The following CMYA5 variants were observed in gnomAD, a reference collection of about 807,000 sequenced individuals.
The protein encoded by CMYA5 is cardiomyopathy-associated protein 5.
Under a neutral mutation model 318.9 loss-of-function variants are expected in CMYA5, and 246 were observed. That is an observed-to-expected ratio of 0.77 (90% CI 0.70 to 0.86). The LOEUF (loss-of-function observed/expected upper bound fraction) is 0.86. Among genes scored for constraint, CMYA5 ranks in the 40% least tolerant of loss-of-function variants. The pLI is 0.00. For missense variants in CMYA5, 4,589 were observed against 4,678.2 expected (o/e 0.98, Z 0.56); for synonymous variants, 1,641 against 1,729.5 (o/e 0.95, Z 1.27).
chr5:79,791,117 G>C, intron 11 of CMYA5, 48 bp downstream of exon 11: 1 of 1,339,370 alleles, frequency 7.5e-7, no homozygotes, highest in Non-Finnish European at 1.1e-6. Context: ...CAGCAGTAGG[G>C]TCTTAGGGTG....
chr5:79,708,969 G>C (rs953654271), intron 1 of CMYA5, among the ~76,000 whole-genome samples: 2 of 152,056 alleles, frequency 1.3e-5, no homozygotes. Context: ...ATTTAATTTA[G>C]TTTTTTAAAA....
intron 1 of CMYA5, among the ~76,000 whole-genome samples, chr5:79,702,812 T>A (rs1220565775): frequency 2.6e-5 from 4 of 152,224 alleles, no homozygotes. Flanking sequence ...GTGAGGAAAC[T>A]GTTGCCATGG....
At chr5:79,778,833 G>A (rs11745156) in intron 9 of CMYA5, among the ~76,000 whole-genome samples, 10 of 86,822 alleles carry the variant, frequency 1.2e-4, no homozygotes, top group African/African-American at 3.2e-4. Flanking sequence ...GTGTGTGTGT[G>A]TGTATGTTTA....
chr5:79,754,072 A>G (rs935164650), intron 6 of CMYA5, among the ~76,000 whole-genome samples: 1 of 152,364 alleles, frequency 6.6e-6, no homozygotes, highest in East Asian at 1.9e-4. Context: ...TAACTCAGCA[A>G]GTGCACATGG....
At chr5:79,694,220 G>C (rs1362378135) in intron 1 of CMYA5, among the ~76,000 whole-genome samples, 1 of 152,166 alleles carries the variant, frequency 6.6e-6, no homozygotes, top group African/African-American at 2.4e-5. Context: ...TACTATACCA[G>C]TCAGGATAAA....
At chr5:79,718,399 A>C (rs1197268589) in intron 1 of CMYA5, among the ~76,000 whole-genome samples, 1 of 152,134 alleles carries the variant, frequency 6.6e-6, no homozygotes, top group African/African-American at 2.4e-5. Context: ...GGCTTAAAAT[A>C]TATCTTTCAA....
chr5:79,731,695 G>A lies in CMYA5; in HGVS notation c.2930G>A (p.Cys977Tyr), dbSNP rs1249733240. 2.5e-6 allele frequency: 4 copies of A among 1,613,826 alleles called. No individual in the cohort carries two copies. Among genetic ancestry groups the A allele is most frequent in the Non-Finnish European group, 3.4e-6 (4 of 1,179,878 alleles). ...KREFECDSPICLTSPSEHTIL... is the reference protein window; with the variant it reads ...KREFECDSPIYLTSPSEHTIL... ...GAATTTGAGTGCGATTCTCCAATAT[G>A]TTTAACATCACCATCTGAGCACACT... The change falls in exon 2 of 13, where the codon TGT (cysteine) becomes TAT (tyrosine). Residue 977 changes from cysteine to tyrosine, a missense_variant. By Grantham distance (194) the Cys-to-Tyr change is radical. This residue lies in a region of CMYA5 where 2,132 missense variants were observed against 2,131.3 expected (regional missense o/e 1.00). Transcript: ENST00000446378.
chr5:79,743,974 A>ATCATTTACTTCT, intron 3 of CMYA5, 52 bp downstream of exon 3: 1 of 903,690 alleles, frequency 1.1e-6, no homozygotes, highest in Non-Finnish European at 1.7e-6. Context: ...CAGTATCAGA[A>ATCATTTACTTCT]GTAAATGATT....
In CMYA5 at chr5:79,793,369, G is replaced by A; in HGVS notation, c.11790-68G>A. The A allele has an allele frequency of 2.1e-6, 3 of 1,462,104 alleles. No individual in the cohort carries two copies. In the South Asian group the frequency reaches 3.8e-5, roughly 18 times the overall value. The allele number at this position is 1,462,104 out of a possible 1,614,324, so 90.6% of individuals were successfully genotyped here. On this transcript the variant is annotated intron_variant, in intron 11 of 12. Transcript: ENST00000446378. ...GCCTAAACTGTGTGAGTTTGTGAAT[G>A]TTTATGCTTATGAGATACAGGCCGG...
chr5:79,730,714 A>C lies in CMYA5; in HGVS notation c.1949A>C (p.Glu650Ala). ...AYSPAAAPTS[E>A]SSLSPSTTEK... ...TCCCCAGCTGCAGCCCCTACATCTG[A>C]GAGCTCTCTCTCACCATCCACAACT... The change falls in exon 2 of 13, where the codon GAG (glutamate) becomes GCG (alanine). Residue 650 changes from glutamate (E) to alanine (A), a missense_variant. Physicochemically the swap from Glu to Ala is moderately radical, Grantham distance 107 (BLOSUM62 -1). This residue lies in a region of CMYA5 where 2,132 missense variants were observed against 2,131.3 expected (regional missense o/e 1.00). Transcript: ENST00000446378. 6.2e-7 allele frequency: 1 copy of C among 1,613,606 alleles called. No individual in the cohort carries two copies.
In CMYA5 at chr5:79,729,458, G is replaced by T. The variant is rs758099112; in HGVS notation, c.693G>T (p.Met231Ile). The change falls in exon 2 of 13, where the codon ATG becomes ATT. Residue 231 changes from methionine (M) to isoleucine (I), a missense_variant. Coordinates refer to ENST00000446378, the MANE Select transcript of CMYA5 (RefSeq NM_153610.5). Reference sequence around the variant, plus strand: ...GAACAGTACAATATAAAATTAAGATGTTTAATTCGGTTAAAGAAGAATTAA... The same window carrying T: ...GAACAGTACAATATAAAATTAAGATTTTTAATTCGGTTAAAGAAGAATTAA... ...YIGTVQYKIK[M>I]FNSVKEELIP... 1.2e-6 allele frequency: 2 copies of T among 1,611,018 alleles called. No individual in the cohort carries two copies. The highest frequency in any genetic ancestry group is 1.7e-6 in the Non-Finnish European group (2 of 1,177,920).
intron 1 of CMYA5, among the ~76,000 whole-genome samples, chr5:79,690,952 G>A (rs1826960177): frequency 6.6e-6 from 1 of 151,920 alleles, no homozygotes; most frequent in South Asian, 2.1e-4. Flanking sequence ...GCATTGAGGA[G>A]GATGGATGGT....
chr5:79,693,401 C>T (rs1404732157), intron 1 of CMYA5, among the ~76,000 whole-genome samples: 4 of 148,844 alleles, frequency 2.7e-5, no homozygotes, highest in East Asian at 2.0e-4. Flanking sequence ...ATTGCAGTGG[C>T]GTGATCACGG....
chr5:79,732,193 G>T lies in CMYA5; in HGVS notation c.3428G>T (p.Ser1143Ile), dbSNP rs543112054. Residue 1143 changes from serine (S) to isoleucine (I), a missense_variant, in exon 2 of 13, where the codon AGT (serine) becomes ATT (isoleucine). Ser to Ile is a moderately radical substitution (Grantham distance 142). Around this residue, in one of 3 missense-constraint regions of CMYA5, gnomAD observed 2,132 missense variants for 2,131.3 expected, o/e 1.00. Transcript: ENST00000446378. Reference sequence around the variant, plus strand: ...GTGGAGAAGGGAGAAAGGGAGGCAAGTTCATCAGTAGCTGCAATACCTGCT... The same window carrying T: ...GTGGAGAAGGGAGAAAGGGAGGCAATTTCATCAGTAGCTGCAATACCTGCT... Reference protein sequence around the residue: ...SEVEKGEREASSSVAAIPAAL... With the variant: ...SEVEKGEREAISSVAAIPAAL... The T allele has an allele frequency of 1.9e-6, 3 of 1,613,908 alleles. No individual in the cohort carries two copies. The highest frequency in any genetic ancestry group is 2.2e-5 in the South Asian group (2 of 91,074).
In CMYA5 at chr5:79,733,786, C is replaced by T; in HGVS notation, c.5021C>T (p.Ala1674Val). The change falls in exon 2 of 13, where the codon GCT (alanine) becomes GTT (valine). Residue 1674 changes from alanine to valine, a missense_variant. By Grantham distance (64) the Ala-to-Val change is moderately conservative (BLOSUM62 0). Coordinates refer to ENST00000446378, the MANE Select transcript of CMYA5 (RefSeq NM_153610.5). Reference protein sequence around the residue: ...TEDSVLEKGPAELRSREGKEE... With the variant: ...TEDSVLEKGPVELRSREGKEE... The stretch of plus-strand genomic sequence containing the variant: ...GATTCTGTTTTAGAAAAAGGCCCAG[C>T]TGAGCTTAGGAGCAGAGAAGGAAAA... 1.9e-6 allele frequency: 3 copies of T among 1,613,570 alleles called. No homozygotes were observed. Among genetic ancestry groups the T allele is most frequent in the Non-Finnish European group, 2.5e-6 (3 of 1,179,776 alleles).
rs745742163 is a variant in CMYA5, at chr5:79,735,634, GA to G, written c.6876del (p.Glu2293LysfsTer9). The G allele has an allele frequency of 5.6e-6, 9 of 1,612,870 alleles. No individual in the cohort carries two copies. The highest frequency in any genetic ancestry group is 7.6e-6 in the Non-Finnish European group (9 of 1,179,508). ...TCTGAGGTGTCTAGGGAAGATTATG[GA>G]AAAAAAGAAATCTCAGGCGATTCAG... ...FISEVSREDY[G>X]KKEISGDSEE... On this transcript the variant is annotated frameshift_variant, in exon 2 of 13. Coordinates refer to ENST00000446378, the MANE Select transcript of CMYA5 (RefSeq NM_153610.5). LOFTEE classifies it high-confidence loss of function.
In CMYA5 at chr5:79,731,894, G is replaced by A. The variant is rs1827917222; in HGVS notation, c.3129G>A (p.Glu1043=). ...ATTCCTGCTTTTCAGAAGCAGATGAGGAAGACATTGGATCCACAGCTGCTA... is the reference window on the plus strand; with the variant it reads ...ATTCCTGCTTTTCAGAAGCAGATGAAGAAGACATTGGATCCACAGCTGCTA... ...SGYSCFSEAD[E]EDIGSTAATP... The change falls in exon 2 of 13, where the codon GAG becomes GAA. Residue 1043 remains glutamate (E), a synonymous_variant. Transcript: ENST00000446378. 6.2e-7 allele frequency: 1 copy of A among 1,613,456 alleles called. No individual in the cohort carries two copies. The highest frequency in any genetic ancestry group is 8.5e-7 in the Non-Finnish European group (1 of 1,179,752).
Position 79,791,075 on chromosome 5 carries a change from T to G in CMYA5, c.11789+6T>G. ...GAGAGGAGACGGCTGACGGAGTAAGTAGAAGAAGAAAGCACAAGTGGGCTG... is the reference window on the plus strand; with the variant it reads ...GAGAGGAGACGGCTGACGGAGTAAGGAGAAGAAGAAAGCACAAGTGGGCTG... On this transcript the variant is annotated splice_donor_region_variant and intron_variant, in intron 11 of 12. Coordinates refer to ENST00000446378, the MANE Select transcript of CMYA5 (RefSeq NM_153610.5). The G allele has an allele frequency of 6.2e-7, 1 of 1,606,598 alleles. No individual in the cohort carries two copies. Among genetic ancestry groups the G allele is most frequent in the Non-Finnish European group, 8.5e-7 (1 of 1,173,864 alleles).
At chr5:79,758,219 G>T (rs1384859703) in intron 6 of CMYA5, among the ~76,000 whole-genome samples, 2 of 151,120 alleles carry the variant, frequency 1.3e-5, no homozygotes, top group Non-Finnish European at 2.9e-5. Flanking sequence ...GATAAAGCAA[G>T]ACTCCATCTC....
Sources: allele counts gnomAD v4.1 joint callset (sites outside exome capture counted in the v4.1 genomes callset), GRCh38; gene constraint gnomAD v4.1.1; regional missense constraint gnomAD v4.1.1; transcripts MANE v1.5; gene names NCBI Gene and HGNC (gene_info 2026-07-23, HGNC 2026-07-21).